NWD2: variants seen among roughly 807,000 people sequenced by gnomAD.
NWD2 encodes the protein NACHT and WD repeat domain-containing protein 2.
NWD2 carries 37 observed loss-of-function variants against 132.7 expected under a neutral mutation model. The ratio of observed to expected loss-of-function variants is 0.28; its 90% confidence interval spans 0.21 to 0.37. The LOEUF (loss-of-function observed/expected upper bound fraction) is 0.37. Ranked by LOEUF, NWD2 falls within the 10% of genes least tolerant of loss-of-function variation. NWD2 has a pLI of 1.00. For synonymous variants in NWD2, 705 were observed against 803.0 expected, an observed-to-expected ratio of 0.88 and a Z score of 2.06; for missense variants, 1,592 against 2,122.4, an observed-to-expected ratio of 0.75 and a Z score of 4.91.
intron 1 of NWD2, among the ~76,000 whole-genome samples, chr4:37,263,897 A>G (rs1717698976): frequency 6.6e-6 from 1 of 152,214 alleles, no homozygotes; most frequent in Non-Finnish European, 1.5e-5. Flanking sequence ...CCTTTATTTC[A>G]GACCATTTAT....
intron 3 of NWD2, among the ~76,000 whole-genome samples, chr4:37,392,813 C>T (rs930331783): frequency 7.2e-5 from 11 of 152,178 alleles, no homozygotes; most frequent in African/African-American, 2.7e-4. Flanking sequence ...ATTTATTCAC[C>T]TTAACGTTGT....
At chr4:37,415,377 T>G (rs922775305) in intron 3 of NWD2, among the ~76,000 whole-genome samples, 2 of 152,142 alleles carry the variant, frequency 1.3e-5, no homozygotes, top group African/African-American at 4.8e-5. Flanking sequence ...GTGGAGAAGC[T>G]GGTGATGCCA....
intron 3 of NWD2, among the ~76,000 whole-genome samples, chr4:37,368,566 A>C (rs1304195605): frequency 6.6e-6 from 1 of 152,136 alleles, no homozygotes; most frequent in African/African-American, 2.4e-5. Context: ...AGATAATATA[A>C]TATTAGTTAG....
At chr4:37,313,665 T>C (rs1718898577) in intron 1 of NWD2, among the ~76,000 whole-genome samples, 1 of 150,988 alleles carries the variant, frequency 6.6e-6, no homozygotes, top group South Asian at 2.1e-4. Flanking sequence ...AGTTCGTTTC[T>C]ATTCCTTGTT....
intron 1 of NWD2, among the ~76,000 whole-genome samples, chr4:37,246,195 C>T (rs1717241837): frequency 1.3e-5 from 2 of 152,096 alleles, no homozygotes; most frequent in Admixed American, 1.3e-4. Flanking sequence ...AGCCTTGAGT[C>T]GAAAAGAGTC....
At chr4:37,399,412 G>A (rs1048939750) in intron 3 of NWD2, among the ~76,000 whole-genome samples, 18 of 152,246 alleles carry the variant, frequency 1.2e-4, no homozygotes, top group African/African-American at 3.9e-4. Flanking sequence ...ATTTTTAAAA[G>A]AATTTTTTGG....
At chr4:37,338,902 C>T (rs1719465299) in intron 2 of NWD2, among the ~76,000 whole-genome samples, 1 of 152,224 alleles carries the variant, frequency 6.6e-6, no homozygotes, top group African/African-American at 2.4e-5. Flanking sequence ...AAATACGTAA[C>T]TGGCTTTTAT....
intron 3 of NWD2, among the ~76,000 whole-genome samples, chr4:37,392,256 G>A (rs761029108): frequency 5.3e-5 from 8 of 152,062 alleles, no homozygotes; most frequent in Non-Finnish European, 8.8e-5. Flanking sequence ...TCTTAAATCC[G>A]TACACCTGAG....
At chr4:37,362,757 AATTT>A (rs1720005746) in intron 3 of NWD2, among the ~76,000 whole-genome samples, 1 of 152,230 alleles carries the variant, frequency 6.6e-6, no homozygotes, top group African/African-American at 2.4e-5. Flanking sequence ...CTTGGGAAAT[AATTT>A]ATTAGTAAGT....
rs983019214 is a variant in NWD2 at position 37,306,981 on chromosome 4, G to A, written c.152-18955G>A. The stretch of plus-strand genomic sequence containing the variant: ...GGAGGTTGTAGTGAGCCGAGATTGC[G>A]CCACTGCACTCCAGCCTAGGCGACA... On this transcript the variant is annotated intron_variant, in intron 1 of 6. Coordinates refer to ENST00000309447, the MANE Select transcript of NWD2 (RefSeq NM_001144990.2). 9.4e-5 allele frequency among the ~76,000 whole-genome samples: 14 copies of A among 149,680 alleles called. No homozygotes were observed. In the South Asian group the frequency reaches 1.5e-3, roughly 16 times the overall value.
rs745573547 is a variant in NWD2 at position 37,444,110 on chromosome 4, A to C, written c.2122A>C (p.Ile708Leu). 1.9e-5 allele frequency: 29 copies of C among 1,551,660 alleles called. No homozygotes were observed. Among genetic ancestry groups the C allele is most frequent in the Non-Finnish European group, 2.5e-5 (29 of 1,147,018 alleles). The change falls in exon 7 of 7, where the codon ATT (isoleucine) becomes CTT (leucine). Residue 708 changes from isoleucine to leucine, a missense_variant. This residue lies in a region of NWD2 where 1,071 missense variants were observed against 1,398.0 expected (regional missense o/e 0.77). Coordinates refer to ENST00000309447, the MANE Select transcript of NWD2 (RefSeq NM_001144990.2). This position sits in a 1 kb window ranked among gnomAD's most constrained non-coding sequence, Gnocchi z 4.8. ...SNPLRVPYLY[I>L]ARLKEGLSGY... The stretch of plus-strand genomic sequence containing the variant: ...TCCCCTGAGAGTACCTTACTTGTAC[A>C]TTGCAAGGCTCAAGGAGGGTCTCAG...
chr4:37,245,339 C>A, intron 1 of NWD2, 121 bp downstream of exon 1: 3 of 1,198,562 alleles, frequency 2.5e-6, no homozygotes, highest in Admixed American at 3.0e-5. Context: ...CAGCTAAAGC[C>A]GTGGCCGCCC....
In NWD2 at chr4:37,445,542, G is replaced by A; in HGVS notation, c.3554G>A (p.Cys1185Tyr). Residue 1185 changes from cysteine to tyrosine, a missense_variant, in exon 7 of 7, where the codon TGC (cysteine) becomes TAC (tyrosine). This residue lies in a region of NWD2 where 1,071 missense variants were observed against 1,398.0 expected (regional missense o/e 0.77). Transcript: ENST00000309447. The surrounding 1 kb of genome is among the most constrained non-coding windows in gnomAD (Gnocchi z 4.7). ...CCCCAGCTGACTGATGACTTTGATT[G>A]CCGAAGAGAAGACAGTGAGGTGGTC... ...SSPQLTDDFD[C>Y]RREDSEVVSI... is the part of the protein sequence containing the mutation. 2 of 1,552,120 alleles carry A rather than the reference G, an allele frequency of 1.3e-6. No individual in the cohort carries two copies.
At chr4:37,246,206 G>A (rs551534736) in intron 1 of NWD2, among the ~76,000 whole-genome samples, 1 of 152,306 alleles carries the variant, frequency 6.6e-6, no homozygotes, top group South Asian at 2.1e-4. Context: ...GAAAAGAGTC[G>A]AGGAGAAAAG....
intron 3 of NWD2, among the ~76,000 whole-genome samples, chr4:37,408,897 G>A (rs1006289798): frequency 6.6e-6 from 1 of 152,196 alleles, no homozygotes; most frequent in Non-Finnish European, 1.5e-5. Flanking sequence ...GGGGTCAGGA[G>A]TGAACCTCCA....
chr4:37,276,000 A>T (rs1460537630), intron 1 of NWD2, among the ~76,000 whole-genome samples: 3 of 152,202 alleles, frequency 2.0e-5, no homozygotes, highest in Non-Finnish European at 4.4e-5. Flanking sequence ...AAAACCCTAG[A>T]AGAAAACATA....
At position 37,245,120 on chromosome 4, in the gene NWD2, T is replaced by G; in HGVS notation, c.53T>G (p.Leu18Arg). The G allele has an allele frequency of 6.5e-7, 1 of 1,547,492 alleles. No individual in the cohort carries two copies. The highest frequency in any genetic ancestry group is 1.4e-5 in the African/African-American group (1 of 72,948). ...CTGCCCTGTCCCCGAGACTCTGCGC[T>G]CCGGCGGGCGGCTTTCTCTGGGAAC... Reference protein sequence around the residue: ...TKLPCPRDSALRRAAFSGNLT... With the variant: ...TKLPCPRDSARRRAAFSGNLT... Residue 18 changes from leucine to arginine, a missense_variant, in exon 1 of 7, where the codon CTC becomes CGC. By Grantham distance (102) the Leu-to-Arg change is moderately radical. This residue lies in a region of NWD2 where 88 missense variants were observed against 92.8 expected (regional missense o/e 0.95). Coordinates refer to ENST00000309447, the MANE Select transcript of NWD2 (RefSeq NM_001144990.2).
chr4:37,255,266 T>A (rs1409253080), intron 1 of NWD2, among the ~76,000 whole-genome samples: 1 of 152,222 alleles, frequency 6.6e-6, no homozygotes, highest in African/African-American at 2.4e-5. Context: ...AATCAGCTTG[T>A]ATCTGATATC....
rs1378659003 is a variant in NWD2, at chr4:37,444,258, C to G, written c.2270C>G (p.Thr757Ser). The G allele has an allele frequency of 6.4e-7, 1 of 1,551,712 alleles. No individual in the cohort carries two copies. Among genetic ancestry groups the G allele is most frequent in the Middle Eastern group, 1.7e-4 (1 of 5,992 alleles). Residue 757 changes from threonine to serine, a missense_variant, in exon 7 of 7, where the codon ACC (threonine) becomes AGC (serine). By Grantham distance (58) the Thr-to-Ser change is moderately conservative. Transcript: ENST00000309447. This position sits in a 1 kb window ranked among gnomAD's most constrained non-coding sequence, Gnocchi z 4.8. ...GACAATGACCTGCGTGAAATGCACA[C>G]CATCTTAGCAGATTATTTTCTGGGG... is the stretch of plus-strand genomic sequence containing the variant. ...QDDNDLREMH[T>S]ILADYFLGVW... is the part of the protein sequence containing the mutation.
Sources: gnomAD v4.1 joint callset for allele counts (sites outside exome capture counted in the v4.1 genomes callset) on GRCh38, gnomAD v4.1.1 for gene constraint, gnomAD v4.1.1 regional missense constraint, Gnocchi (gnomAD v3.1) non-coding constraint, MANE v1.5 for transcripts, NCBI Gene and HGNC (gene_info 2026-07-23, HGNC 2026-07-21) for gene names.